TUB: variants seen among roughly 807,000 people sequenced by gnomAD.
TUB encodes the protein tubby protein homolog.
TUB carries 33 observed loss-of-function variants against 59.7 expected under a neutral mutation model. The ratio of observed to expected loss-of-function variants is 0.55; its 90% CI spans 0.42 to 0.74. The LOEUF is 0.74. Among genes scored for constraint, TUB ranks in the 30% least tolerant of loss-of-function variants. The probability of loss-of-function intolerance (pLI) is 0.00; values close to 1 mark genes in which losing one functional copy is unlikely to be tolerated. For synonymous variants in TUB, 293 were observed against 256.4 expected (o/e 1.14, Z -1.36); for missense variants, 659 against 672.0 (o/e 0.98, Z 0.21).
chr11:8,052,520 A>AGT (rs1942949313), intron 2 of TUB, among the ~76,000 whole-genome samples: 1 of 121,214 alleles, frequency 8.2e-6, no homozygotes, highest in Admixed American at 1.2e-4. Context: ...CCCAGGCTGG[A>AGT]GTGCAGTGGT....
intron 2 of TUB, chr11:8,075,807 A>AT (rs1943439510): frequency 6.6e-6 from 1 of 152,158 alleles, no homozygotes; most frequent in South Asian, 2.1e-4. Context: ...GACCTTGCAC[A>AT]TGACAGTCCT....
rs371901087 is a variant in TUB, at chr11:8,101,472, G to A, written c.1388-14G>A. On this transcript the variant is annotated splice_polypyrimidine_tract_variant and intron_variant, in intron 11 of 11. Coordinates refer to ENST00000299506, the MANE Select transcript of TUB (RefSeq NM_177972.3). ...CCTGTCCTTTTCTCTGTCTGTGCCTGTGCTTGGCCCCAGCGGACTACATCG... is the reference window on the plus strand; with the variant it reads ...CCTGTCCTTTTCTCTGTCTGTGCCTATGCTTGGCCCCAGCGGACTACATCG... The A allele has an allele frequency of 6.8e-6, 11 of 1,614,058 alleles. No individual in the cohort carries two copies. Among genetic ancestry groups the A allele is most frequent in the Non-Finnish European group, 8.5e-6 (10 of 1,180,008 alleles).
chr11:8,103,747 T>G lies in TUB; in HGVS notation c.*2128T>G, dbSNP rs4758291. 15,300 of 152,708 alleles carry G rather than the reference T, an allele frequency of 0.1. 986 individuals carry two copies. The highest frequency in any genetic ancestry group is 0.17 in the African/African-American group (6,993 of 41,518). 9.5% of individuals were successfully genotyped at this position (152,708 alleles called of 1,614,324 possible). ...ATCTTCATGGTGACATTTGAGATGA[T>G]GGAAACTAGATCGTCTCTAATGTTA... On this transcript the variant is annotated 3_prime_UTR_variant, in exon 12 of 12. Transcript: ENST00000299506.
intron 3 of TUB, among the ~76,000 whole-genome samples, chr11:8,093,343 G>C (rs1192147615): frequency 6.6e-6 from 1 of 152,152 alleles, no homozygotes; most frequent in Non-Finnish European, 1.5e-5. Context: ...TGGTGTGGCT[G>C]CAACTCTTGG....
At chr11:8,044,993 A>G (rs563397123) in intron 2 of TUB, among the ~76,000 whole-genome samples, 1 of 152,320 alleles carries the variant, frequency 6.6e-6, no homozygotes, top group South Asian at 2.1e-4. Context: ...GGAACTCTCC[A>G]AACTCTGTCA....
intron 2 of TUB, among the ~76,000 whole-genome samples, chr11:8,052,369 T>C (rs1227167235): frequency 1.3e-5 from 2 of 152,188 alleles, no homozygotes; most frequent in African/African-American, 4.8e-5. Context: ...GTTTTATTAT[T>C]AATAGAATTG....
rs1207092091 is a variant in TUB at position 8,101,502 on chromosome 11, G to A, written c.1404G>A (p.Met468Ile). The change falls in exon 12 of 12, where the codon ATG becomes ATA. Residue 468 changes from methionine to isoleucine, a missense_variant. Transcript: ENST00000299506. ...IHGNDPDYIV[M>I]QFGRVAEDVF... Reference sequence around the variant, plus strand: ...TGGCCCCAGCGGACTACATCGTGATGCAGTTTGGCCGGGTAGCAGAGGATG... The same window carrying A: ...TGGCCCCAGCGGACTACATCGTGATACAGTTTGGCCGGGTAGCAGAGGATG... The A allele has an allele frequency of 6.2e-7, 1 of 1,614,204 alleles. No individual in the cohort carries two copies. Among genetic ancestry groups the A allele is most frequent in the South Asian group, 1.1e-5 (1 of 91,082 alleles).
At chr11:8,020,726 T>C (rs577083554) in intron 1 of TUB, among the ~76,000 whole-genome samples, 2 of 152,356 alleles carry the variant, frequency 1.3e-5, no homozygotes, top group South Asian at 2.1e-4. Context: ...ATGATTCCAG[T>C]GCACCTGCCT....
At chr11:8,043,081 C>G (rs1031389250) in intron 2 of TUB, among the ~76,000 whole-genome samples, 3 of 152,062 alleles carry the variant, frequency 2.0e-5, no homozygotes, top group Non-Finnish European at 4.4e-5. Context: ...TCATTTAGGT[C>G]TTTGAATCAT....
chr11:8,033,623 G>A (rs1942606290), intron 1 of TUB, among the ~76,000 whole-genome samples: 1 of 152,240 alleles, frequency 6.6e-6, no homozygotes, highest in Non-Finnish European at 1.5e-5. Context: ...ACTCCTGAGA[G>A]CGGGACCGTC....
intron 1 of TUB, among the ~76,000 whole-genome samples, chr11:8,031,255 TG>T (rs56304336): frequency 0.11 from 16,585 of 152,030 alleles, 1,048 homozygotes; most frequent in Non-Finnish European, 0.13. Flanking sequence ...CTGCATTTGG[TG>T]GGGTCAAGAG....
In TUB at chr11:8,031,779, C is replaced by T. The variant is rs73414944; in HGVS notation, c.56+12421C>T. On this transcript the variant is annotated intron_variant, in intron 1 of 11. Coordinates refer to the TUB transcript ENST00000534099. ...CTGGGGTAGGGAGGCTGGCGCAGGC[C>T]CACGGCGTGTCCTGGAACAGCTTGG... Among the ~76,000 whole-genome samples the T allele has an allele frequency of 2.4e-3, 372 of 152,350 alleles. 1 individual carries two copies. The highest frequency in any genetic ancestry group is 8.6e-3 in the African/African-American group (357 of 41,582).
intron 2 of TUB, among the ~76,000 whole-genome samples, chr11:8,053,559 T>G (rs1413212963): frequency 1.3e-5 from 2 of 151,664 alleles, no homozygotes; most frequent in East Asian, 2.0e-4. Flanking sequence ...GGAGTGCAGT[T>G]GCACGATCTC....
At chr11:8,075,343 C>G (rs1258087667) in intron 2 of TUB, among the ~76,000 whole-genome samples, 1 of 152,220 alleles carries the variant, frequency 6.6e-6, no homozygotes, top group African/African-American at 2.4e-5. Context: ...CTACAATGCT[C>G]ATCTGCCTGA....
intron 2 of TUB, among the ~76,000 whole-genome samples, chr11:8,074,808 A>G (rs557546079): frequency 1.7e-4 from 23 of 137,196 alleles, no homozygotes; most frequent in African/African-American, 6.2e-4. Flanking sequence ...GTGCAGTGGC[A>G]CAATCTTGGC....
intron 2 of TUB, among the ~76,000 whole-genome samples, chr11:8,043,887 G>T (rs924192776): frequency 6.6e-6 from 1 of 152,098 alleles, no homozygotes; most frequent in Admixed American, 6.6e-5. Flanking sequence ...TAATCTGGAT[G>T]CCTTTTGTTT....
At chr11:8,064,679 G>A (rs903266506) in intron 2 of TUB, among the ~76,000 whole-genome samples, 1 of 152,192 alleles carries the variant, frequency 6.6e-6, no homozygotes, top group Non-Finnish European at 1.5e-5. Context: ...AGGAACTCAA[G>A]GCAGAGACAG....
In TUB at chr11:8,098,847, T is replaced by TA. The variant is rs1944124182; in HGVS notation, c.1089dup (p.Arg364ThrfsTer34). On this transcript the variant is annotated frameshift_variant, in exon 9 of 12. Transcript: ENST00000299506. LOFTEE classifies it high-confidence loss of function. The stretch of plus-strand genomic sequence containing the variant: ...TCCTCCACTTTGGAAAGTGGAACCT[T>TA]ACGTCAGGAGCTGGCAGCTGTGTGC... 6 of 1,614,106 alleles carry TA rather than the reference T, an allele frequency of 3.7e-6. No individual in the cohort carries two copies. The highest frequency in any genetic ancestry group is 5.1e-6 in the Non-Finnish European group (6 of 1,179,968).
At chr11:8,019,847 G>A (rs1450096481) in intron 1 of TUB, among the ~76,000 whole-genome samples, 4 of 152,068 alleles carry the variant, frequency 2.6e-5, no homozygotes, top group Non-Finnish European at 5.9e-5. Context: ...TGGCTGCCGG[G>A]GACCCGCGAG....
Sources: allele counts gnomAD v4.1 joint callset (sites outside exome capture counted in the v4.1 genomes callset), GRCh38; gene constraint gnomAD v4.1.1; transcripts MANE v1.5; gene names NCBI Gene and HGNC (gene_info 2026-07-23, HGNC 2026-07-21).